Variants in PPARGC1A observed in about 807,000 individuals in gnomAD.
The protein encoded by PPARGC1A is peroxisome proliferator-activated receptor gamma coactivator 1-alpha.
PPARGC1A carries 25 observed loss-of-function variants against 88.7 expected under a neutral mutation model. The ratio of observed to expected loss-of-function variants is 0.28; its 90% CI spans 0.21 to 0.39. The LOEUF (loss-of-function observed/expected upper bound fraction) is 0.39. PPARGC1A is among the 10% of genes least tolerant of loss of function. The pLI is 1.00. For synonymous variants in PPARGC1A, 363 were observed against 355.6 expected (o/e 1.02, Z -0.24); for missense variants, 880 against 968.7 (o/e 0.91, Z 1.22).
chr4:24,380,963 C>G, the PPARGC1A span, among the ~76,000 whole-genome samples: 2 of 148,062 alleles, frequency 1.4e-5, no homozygotes, highest in Non-Finnish European at 3.0e-5. Context: ...AAACACTCAG[C>G]ATGTAGCTGT....
chr4:23,798,983 T>A (rs911781081), intron 12 of PPARGC1A, among the ~76,000 whole-genome samples: 38 of 152,260 alleles, frequency 2.5e-4, no homozygotes, highest in African/African-American at 8.9e-4. Context: ...TAAGCTAACT[T>A]AATTTGGGGG....
At chr4:24,263,917 T>A in the PPARGC1A span, among the ~76,000 whole-genome samples, 1 of 151,972 alleles carries the variant, frequency 6.6e-6, no homozygotes, top group South Asian at 2.1e-4. Context: ...GCCCAGCTAA[T>A]TTTTTATGTT....
chr4:24,374,351 C>T, the PPARGC1A span, among the ~76,000 whole-genome samples: 165 of 151,944 alleles, frequency 1.1e-3, no homozygotes, highest in Middle Eastern at 0.01. Flanking sequence ...CCAGGAATCA[C>T]GAAGAAACCT....
chr4:24,058,976 A>T, the PPARGC1A span, among the ~76,000 whole-genome samples: 4 of 152,174 alleles, frequency 2.6e-5, no homozygotes, highest in Admixed American at 6.5e-5. Flanking sequence ...ATAGCTAACC[A>T]GAGAAAAGAA....
intron 2 of PPARGC1A, among the ~76,000 whole-genome samples, chr4:23,881,579 T>TA (rs1715948177): frequency 6.6e-6 from 1 of 152,204 alleles, no homozygotes; most frequent in Admixed American, 6.5e-5. Context: ...GCCACTCTAT[T>TA]ATATATCCCT....
chr4:24,194,630 GCACACACACACA>G, the PPARGC1A span, among the ~76,000 whole-genome samples: 5 of 48,692 alleles, frequency 1.0e-4, no homozygotes, highest in African/African-American at 3.1e-4. Context: ...GCACGCGCGC[GCACACACACACA>G]CACACACACA....
the PPARGC1A span, among the ~76,000 whole-genome samples, chr4:24,104,703 C>T: frequency 1.3e-5 from 2 of 152,242 alleles, no homozygotes; most frequent in Non-Finnish European, 2.9e-5. Context: ...AGGAATGGGG[C>T]TGTTTGTATA....
chr4:23,806,621 C>A (rs551551467), intron 10 of PPARGC1A, among the ~76,000 whole-genome samples: 1 of 152,092 alleles, frequency 6.6e-6, no homozygotes, highest in South Asian at 2.1e-4. Context: ...AAAGCTAGTA[C>A]GCTGATGGGG....
the PPARGC1A span, among the ~76,000 whole-genome samples, chr4:24,188,242 T>C: frequency 6.6e-6 from 1 of 152,092 alleles, no homozygotes; most frequent in Non-Finnish European, 1.5e-5. Context: ...ATATAGTTTG[T>C]GTGCTTGTCC....
chr4:24,463,265 A>T, the PPARGC1A span, among the ~76,000 whole-genome samples: 1 of 152,342 alleles, frequency 6.6e-6, no homozygotes, highest in Admixed American at 6.5e-5. Flanking sequence ...TAAATGATCC[A>T]CTCAGCATGG....
chr4:24,382,532 C>G, the PPARGC1A span, among the ~76,000 whole-genome samples: 2 of 152,134 alleles, frequency 1.3e-5, no homozygotes, highest in African/African-American at 4.8e-5. Flanking sequence ...TGAAATGTAT[C>G]TAGACATGTT....
At chr4:24,049,322 A>ATATATATATATATGTG in the PPARGC1A span, among the ~76,000 whole-genome samples, 27 of 141,982 alleles carry the variant, frequency 1.9e-4, no homozygotes, top group Admixed American at 1.6e-3. Context: ...ATATATATAT[A>ATATATATATATATGTG]TGTGTGTGTG....
the PPARGC1A span, among the ~76,000 whole-genome samples, chr4:24,287,844 G>A: frequency 3.3e-5 from 5 of 152,168 alleles, no homozygotes; most frequent in East Asian, 3.9e-4. Context: ...AGAAAAAGAC[G>A]GCTCCTGACC....
the PPARGC1A span, among the ~76,000 whole-genome samples, chr4:24,170,014 T>C: frequency 3.5e-4 from 54 of 152,276 alleles, 1 homozygote; most frequent in Non-Finnish European, 1.5e-5. Context: ...CAATGAATAA[T>C]TAAAAATTCA....
At chr4:24,090,250 T>A in the PPARGC1A span, among the ~76,000 whole-genome samples, 3 of 152,220 alleles carry the variant, frequency 2.0e-5, no homozygotes, top group African/African-American at 7.2e-5. Context: ...CCACATGTCA[T>A]CCTGAAAGTA....
intron 7 of PPARGC1A, among the ~76,000 whole-genome samples, chr4:23,818,844 T>A (rs1722462058): frequency 7.5e-6 from 1 of 134,022 alleles, no homozygotes; most frequent in South Asian, 2.4e-4. Context: ...GGCATCTTTT[T>A]TTTTTTTTTT....
chr4:24,005,863 G>C, the PPARGC1A span, among the ~76,000 whole-genome samples: 1 of 152,082 alleles, frequency 6.6e-6, no homozygotes, highest in Non-Finnish European at 1.5e-5. Flanking sequence ...ATTATACAGG[G>C]TCGGGGGCTC....
chr4:24,173,305 G>C, the PPARGC1A span, among the ~76,000 whole-genome samples: 1 of 138,914 alleles, frequency 7.2e-6, no homozygotes, highest in Non-Finnish European at 1.5e-5. Flanking sequence ...GCAGTGGCTA[G>C]TTTTGGACTG....
At chr4:24,369,208 G>C in the PPARGC1A span, among the ~76,000 whole-genome samples, 2 of 152,096 alleles carry the variant, frequency 1.3e-5, no homozygotes, top group Non-Finnish European at 2.9e-5. Context: ...TTTCTCTTTG[G>C]TCAGTGTTTT....
Sources: allele counts gnomAD v4.1 joint callset (sites outside exome capture counted in the v4.1 genomes callset), GRCh38; gene constraint gnomAD v4.1.1; transcripts MANE v1.5; gene names NCBI Gene and HGNC (gene_info 2026-07-23, HGNC 2026-07-21).